RBFOX1: variants seen among roughly 807,000 people sequenced by gnomAD.
The protein encoded by RBFOX1 is RNA binding protein fox-1 homolog 1.
In RBFOX1, 8 loss-of-function variants were observed where a neutral mutation model predicts 57.7. That is an observed-to-expected ratio of 0.14 (90% CI 0.08 to 0.25). The LOEUF (loss-of-function observed/expected upper bound fraction) is 0.25. RBFOX1 is among the 10% of genes least tolerant of loss of function. The pLI, the probability that RBFOX1 is intolerant of heterozygous loss-of-function variation, is 1.00. For missense variants in RBFOX1, 611 were observed against 548.5 expected, an observed-to-expected ratio of 1.11 and a Z score of -1.14; for synonymous variants, 326 against 222.4, an observed-to-expected ratio of 1.47 and a Z score of -4.15.
chr16:5,252,556 C>T (rs558814056), intron 1 of RBFOX1, among the ~76,000 whole-genome samples: 119 of 152,260 alleles, frequency 7.8e-4, no homozygotes, highest in Non-Finnish European at 1.0e-3. Context: ...TCCTCTTGGG[C>T]TGCTTTAGTG....
intron 1 of RBFOX1, among the ~76,000 whole-genome samples, chr16:6,124,684 T>G (rs184561564): frequency 6.0e-4 from 91 of 152,002 alleles, no homozygotes; most frequent in African/African-American, 2.1e-3. Flanking sequence ...TGTTGTTGTT[T>G]TTTGTTTGTT....
intron 3 of RBFOX1, among the ~76,000 whole-genome samples, chr16:7,038,790 G>T (rs564966259): frequency 9.9e-5 from 15 of 152,242 alleles, no homozygotes; most frequent in African/African-American, 3.1e-4. Flanking sequence ...CTGGACCTGG[G>T]GGACTTCTTT....
chr16:5,674,336 A>G (rs1301973639), intron 3 of RBFOX1, among the ~76,000 whole-genome samples: 1 of 152,182 alleles, frequency 6.6e-6, no homozygotes, highest in East Asian at 1.9e-4. Flanking sequence ...TTCCTATGTA[A>G]TCTCCACTTT....
At chr16:5,268,126 C>G (rs1418191237) in intron 1 of RBFOX1, among the ~76,000 whole-genome samples, 2 of 151,982 alleles carry the variant, frequency 1.3e-5, no homozygotes, top group African/African-American at 2.4e-5. Context: ...AGAGTTGACT[C>G]TAACACAAAT....
intron 2 of RBFOX1, among the ~76,000 whole-genome samples, chr16:6,594,189 G>T (rs1406556544): frequency 2.6e-5 from 4 of 152,188 alleles, no homozygotes; most frequent in Non-Finnish European, 5.9e-5. Flanking sequence ...GTAAGAGTGT[G>T]AAGTGCCCAG....
intron 1 of RBFOX1, among the ~76,000 whole-genome samples, chr16:6,171,812 T>TTTTA (rs370403385): frequency 2.1e-4 from 32 of 151,528 alleles, no homozygotes; most frequent in Middle Eastern, 3.4e-3. Flanking sequence ...CTTATTTTTA[T>TTTTA]TTTATTTATT....
At chr16:7,261,277 G>A (rs978692573) in intron 4 of RBFOX1, among the ~76,000 whole-genome samples, 3 of 152,194 alleles carry the variant, frequency 2.0e-5, no homozygotes, top group African/African-American at 7.2e-5. Context: ...AGTATATGAT[G>A]TATAAAGTGG....
At chr16:7,301,268 G>A (rs1185562050) in intron 4 of RBFOX1, among the ~76,000 whole-genome samples, 1 of 152,222 alleles carries the variant, frequency 6.6e-6, no homozygotes, top group Non-Finnish European at 1.5e-5. Context: ...TAATATAGTT[G>A]CAGTGTTTAT....
At chr16:7,054,435 G>A (rs889206529) in intron 4 of RBFOX1, among the ~76,000 whole-genome samples, 5 of 150,018 alleles carry the variant, frequency 3.3e-5, no homozygotes, top group East Asian at 2.0e-4. Flanking sequence ...CAGAGATGGG[G>A]TTTCACCATG....
intron 2 of RBFOX1, among the ~76,000 whole-genome samples, chr16:6,526,357 T>C (rs1333125704): frequency 3.3e-5 from 5 of 152,152 alleles, no homozygotes; most frequent in Non-Finnish European, 5.9e-5. Context: ...TCCAGTTATG[T>C]TGTGAAAGGC....
chr16:5,360,152 A>G (rs906065590), intron 1 of RBFOX1, among the ~76,000 whole-genome samples: 5 of 152,164 alleles, frequency 3.3e-5, no homozygotes, highest in African/African-American at 1.2e-4. Context: ...TAGGCTCCTG[A>G]TCATCCCACA....
intron 2 of RBFOX1, among the ~76,000 whole-genome samples, chr16:6,414,184 G>C (rs572348255): frequency 1.3e-5 from 2 of 152,276 alleles, no homozygotes; most frequent in East Asian, 3.9e-4. Flanking sequence ...AAGATGATCT[G>C]ATTTCCATTT....
chr16:6,245,316 C>A (rs2097563155), intron 1 of RBFOX1, among the ~76,000 whole-genome samples: 1 of 152,050 alleles, frequency 6.6e-6, no homozygotes, highest in African/African-American at 2.4e-5. Flanking sequence ...CCCTGAATAC[C>A]TTGCCAAATA....
Position 6,870,224 on chromosome 16 carries a change from A to G in RBFOX1, c.-15-181833A>G, listed in dbSNP as rs564016168. Among the ~76,000 whole-genome samples the G allele has an allele frequency of 9.7e-4, 148 of 152,212 alleles. 1 individual carries two copies. The highest frequency in any genetic ancestry group is 3.4e-3 in the African/African-American group (143 of 41,526). ...CTAGAATTTTGCAGGCAGAGCCAAG[A>G]GAGTTAGCAGCCTGGGGTGGGGCAA... On this transcript the variant is annotated intron_variant, in intron 3 of 15. Coordinates refer to ENST00000550418, the MANE Select transcript of RBFOX1 (RefSeq NM_018723.4).
intron 4 of RBFOX1, among the ~76,000 whole-genome samples, chr16:7,411,328 A>G (rs2098422881): frequency 6.6e-6 from 1 of 152,242 alleles, no homozygotes; most frequent in East Asian, 1.9e-4. Flanking sequence ...CATCCTCCTC[A>G]GTTTAGCCAC....
At chr16:7,182,390 C>T (rs8045961) in intron 4 of RBFOX1, among the ~76,000 whole-genome samples, 1 of 151,944 alleles carries the variant, frequency 6.6e-6, no homozygotes, top group African/African-American at 2.4e-5. Flanking sequence ...GAAATGTCCT[C>T]ACATTGAAGC....
intron 3 of RBFOX1, among the ~76,000 whole-genome samples, chr16:6,799,280 C>T (rs1046098648): frequency 6.6e-6 from 1 of 152,066 alleles, no homozygotes; most frequent in African/African-American, 2.4e-5. Flanking sequence ...GAGTAGCACT[C>T]CTGGATTGTT....
chr16:7,206,671 C>G (rs1192148971), intron 4 of RBFOX1, among the ~76,000 whole-genome samples: 1 of 151,948 alleles, frequency 6.6e-6, no homozygotes, highest in African/African-American at 2.4e-5. Context: ...AAAAGGTGAT[C>G]CTGAAGTCCT....
intron 4 of RBFOX1, among the ~76,000 whole-genome samples, chr16:7,248,636 T>G (rs891961766): frequency 2.0e-5 from 3 of 152,190 alleles, no homozygotes; most frequent in African/African-American, 7.2e-5. Context: ...GACCTTCCTT[T>G]TTATAAAACA....
Sources: gnomAD v4.1 joint callset for allele counts (sites outside exome capture counted in the v4.1 genomes callset) on GRCh38, gnomAD v4.1.1 for gene constraint, MANE v1.5 for transcripts, NCBI Gene and HGNC (gene_info 2026-07-23, HGNC 2026-07-21) for gene names.